Variants in KAT6B observed in about 807,000 individuals in gnomAD.
KAT6B encodes the protein lysine acetyltransferase 6B.
A neutral mutation model predicts 187.5 loss-of-function variants in KAT6B; 10 were observed. That is an observed-to-expected ratio of 0.05 (90% CI 0.03 to 0.09). The LOEUF (loss-of-function observed/expected upper bound fraction) is 0.09. Among genes scored for constraint, KAT6B ranks in the 10% least tolerant of loss-of-function variants. KAT6B has a pLI of 1.00. For missense variants in KAT6B, 1,952 were observed against 2,558.9 expected (o/e 0.76, Z 5.12); for synonymous variants, 861 against 926.8 (o/e 0.93, Z 1.29).
chr10:74,849,941 CTT>C (rs751911800), intron 3 of KAT6B, among the ~76,000 whole-genome samples: 19 of 137,876 alleles, frequency 1.4e-4, no homozygotes, highest in Admixed American at 2.9e-4. Context: ...ACAGTGGTGG[CTT>C]TTTTTTTTTT....
chr10:75,030,982 A>T lies in KAT6B; in HGVS notation c.6158A>T (p.His2053Leu). The T allele has an allele frequency of 6.2e-7, 1 of 1,614,248 alleles. No homozygotes were observed. Among genetic ancestry groups the T allele is most frequent in the Non-Finnish European group, 8.5e-7 (1 of 1,180,042 alleles). Residue 2053 changes from histidine to leucine, a missense_variant, in exon 18 of 18, where the codon CAT becomes CTT. By Grantham distance (99) the His-to-Leu change is moderately conservative. Coordinates refer to ENST00000287239, the MANE Select transcript of KAT6B (RefSeq NM_012330.4). The surrounding 1 kb of genome is among the most constrained non-coding windows in gnomAD (Gnocchi z 4.8). ...AACATGATGTACACGGCCCCCGGAC[A>T]TCACGGCTACATGAACACAGGCATG... is the stretch of plus-strand genomic sequence containing the variant. ...HGNMMYTAPG[H>L]HGYMNTGMSK...
chr10:74,907,166 A>T (rs1846831163), intron 3 of KAT6B, among the ~76,000 whole-genome samples: 2 of 152,204 alleles, frequency 1.3e-5, no homozygotes, highest in African/African-American at 4.8e-5. Context: ...TCTTTTCAGG[A>T]TACATTCCTT....
chr10:74,985,135 T>G lies in KAT6B; in HGVS notation c.2429T>G (p.Leu810Arg). Residue 810 changes from leucine to arginine, a missense_variant, in exon 12 of 18, where the codon CTC becomes CGC. By Grantham distance (102) the Leu-to-Arg change is moderately radical. This residue lies in a region of KAT6B where 87 missense variants were observed against 191.8 expected (regional missense o/e 0.45). Coordinates refer to ENST00000287239, the MANE Select transcript of KAT6B (RefSeq NM_012330.4). ...YCQNLCLLAKLFLDHKTLYYD... is the reference protein window; with the variant it reads ...YCQNLCLLAKRFLDHKTLYYD... ...CAAAACCTTTGCTTGTTAGCCAAGC[T>G]CTTCCTGGACCACAAAACGTTGTAT... The G allele has an allele frequency of 6.2e-7, 1 of 1,614,166 alleles. No homozygotes were observed. Among genetic ancestry groups the G allele is most frequent in the Non-Finnish European group, 8.5e-7 (1 of 1,180,018 alleles).
intron 3 of KAT6B, among the ~76,000 whole-genome samples, chr10:74,864,484 T>C (rs1053415631): frequency 2.6e-5 from 4 of 152,000 alleles, no homozygotes; most frequent in Admixed American, 2.6e-4. Flanking sequence ...CAAGTCTGTA[T>C]AAAAAAGCCT....
intron 3 of KAT6B, among the ~76,000 whole-genome samples, chr10:74,905,800 T>C (rs12265614): frequency 0.024 from 3,712 of 152,216 alleles, 155 homozygotes; most frequent in African/African-American, 0.084. Flanking sequence ...GGTCGGTTTA[T>C]TACTATTTTT....
chr10:74,974,371 G>A lies in KAT6B; in HGVS notation c.1062-1028G>A, dbSNP rs145308824. Among the ~76,000 whole-genome samples, 419 of 152,194 alleles carry A rather than the reference G, an allele frequency of 2.8e-3. 3 individuals are homozygous for A. Among genetic ancestry groups the A allele is most frequent in the African/African-American group, 9.7e-3 (402 of 41,522 alleles). ...TAAGATATTTTTATAATTCAGTATT[G>A]TATCTTTTTAAGGCTTTCATTTTGT... On this transcript the variant is annotated intron_variant, in intron 7 of 17. Coordinates refer to ENST00000287239, the MANE Select transcript of KAT6B (RefSeq NM_012330.4).
At chr10:74,928,255 T>C (rs1178143614) in intron 3 of KAT6B, among the ~76,000 whole-genome samples, 1 of 152,220 alleles carries the variant, frequency 6.6e-6, no homozygotes, top group African/African-American at 2.4e-5. Flanking sequence ...AAATTATCAC[T>C]TACTTGATAG....
At chr10:75,006,679 C>T (rs1425829011) in intron 13 of KAT6B, among the ~76,000 whole-genome samples, 6 of 152,198 alleles carry the variant, frequency 3.9e-5, no homozygotes, top group Admixed American at 2.0e-4. Flanking sequence ...TGCGCTCAAG[C>T]GATCCATCTG....
intron 3 of KAT6B, among the ~76,000 whole-genome samples, chr10:74,935,138 G>T (rs1849156312): frequency 6.6e-6 from 1 of 152,218 alleles, no homozygotes; most frequent in Non-Finnish European, 1.5e-5. Flanking sequence ...GACCTCACAG[G>T]ATTGTTGAAA....
intron 15 of KAT6B, 118 bp from the exon 16 acceptor site, chr10:75,021,763 T>TTGGC (rs1845421829): frequency 4.0e-6 from 4 of 993,182 alleles, no homozygotes; most frequent in Non-Finnish European, 6.3e-6. Context: ...TGGAATGTGC[T>TTGGC]TGGCTGGCTG....
rs539953320 is a variant in KAT6B, at chr10:74,909,191, C to T, written c.622-50779C>T. 1.8e-4 allele frequency among the ~76,000 whole-genome samples: 27 copies of T among 152,216 alleles called. No homozygotes were observed. The South Asian group carries it at 5.0e-3, about 28-fold the overall frequency. On this transcript the variant is annotated intron_variant, in intron 3 of 17. Coordinates refer to ENST00000287239, the MANE Select transcript of KAT6B (RefSeq NM_012330.4). ...TTCGAGACTAGCCTTGCCACAATGG[C>T]GAAACCCCATCTCTACTAAAAATAC...
intron 1 of KAT6B, among the ~76,000 whole-genome samples, chr10:74,832,001 T>C (rs1394208884): frequency 6.6e-6 from 1 of 152,238 alleles, no homozygotes; most frequent in East Asian, 1.9e-4. Context: ...AATAACTTTC[T>C]TACTCTTGAT....
At position 74,857,526 on chromosome 10, in the gene KAT6B, C is replaced by T. The variant is rs568715410; in HGVS notation, c.621+14048C>T. ...TAATCCAGATAATGCCCTTATCTCA[C>T]AGTCCTTAACTTTATCATATCTGCA... On this transcript the variant is annotated intron_variant, in intron 3 of 17. Transcript: ENST00000287239. 4.6e-5 allele frequency among the ~76,000 whole-genome samples: 7 copies of T among 152,330 alleles called. No homozygotes were observed. The East Asian group carries it at 1.3e-3, about 29-fold the overall frequency.
Position 74,844,291 on chromosome 10 carries a change from C to T in KAT6B, c.621+813C>T, listed in dbSNP as rs139982728. Among the ~76,000 whole-genome samples the T allele has an allele frequency of 1.8e-3, 279 of 152,198 alleles. 3 individuals carry two copies. The highest frequency in any genetic ancestry group is 6.0e-3 in the African/African-American group (249 of 41,520). ...TCGGCTCACTGCAACCTCTGCCTCC[C>T]GGGTTCAAGTGATTCTTCTGCCTCA... On this transcript the variant is annotated intron_variant, in intron 3 of 17. Transcript: ENST00000287239.
In KAT6B at chr10:74,975,791, A is replaced by G. The variant is rs751774930; in HGVS notation, c.1454A>G (p.Gln485Arg). Residue 485 changes from glutamine to arginine, a missense_variant, in exon 8 of 18, where the codon CAA (glutamine) becomes CGA (arginine). Physicochemically the swap from Gln to Arg is conservative, Grantham distance 43. This residue lies in a region of KAT6B where 417 missense variants were observed against 508.9 expected (regional missense o/e 0.82). Coordinates refer to ENST00000287239, the MANE Select transcript of KAT6B (RefSeq NM_012330.4). ...CATGTGTTGGCTACAGGTACCACACAAAAGCTAAAACCTCCACCTTCTTCA... is the reference window on the plus strand; with the variant it reads ...CATGTGTTGGCTACAGGTACCACACGAAAGCTAAAACCTCCACCTTCTTCA... The part of the protein sequence containing the change: ...TSHVLATGTT[Q>R]KLKPPPSSLP... The G allele has an allele frequency of 1.2e-6, 2 of 1,614,218 alleles. No homozygotes were observed. The highest frequency in any genetic ancestry group is 1.7e-6 in the Non-Finnish European group (2 of 1,180,038).
At chr10:74,992,114 G>A (rs1351544265) in intron 13 of KAT6B, among the ~76,000 whole-genome samples, 3 of 152,096 alleles carry the variant, frequency 2.0e-5, no homozygotes, top group African/African-American at 4.8e-5. Context: ...TTTCTATTTG[G>A]TAAATGAGCC....
chr10:75,002,377 CA>C (rs56402723), intron 13 of KAT6B, among the ~76,000 whole-genome samples: 80 of 126,406 alleles, frequency 6.3e-4, no homozygotes, highest in African/African-American at 1.0e-3. Context: ...TGGCACTAAC[CA>C]AAAAAAAAAA....
At chr10:74,890,471 C>T (rs977322803) in intron 3 of KAT6B, among the ~76,000 whole-genome samples, 1 of 151,864 alleles carries the variant, frequency 6.6e-6, no homozygotes, top group Non-Finnish European at 1.5e-5. Flanking sequence ...AAATCCCGTC[C>T]GTACTAATAA....
chr10:74,961,512 T>C (rs1564590543), intron 4 of KAT6B, among the ~76,000 whole-genome samples: 1 of 152,202 alleles, frequency 6.6e-6, no homozygotes, highest in Non-Finnish European at 1.5e-5. Flanking sequence ...AAAAGTTCCC[T>C]TCATATATTT....
Sources: gnomAD v4.1 joint callset for allele counts (sites outside exome capture counted in the v4.1 genomes callset) on GRCh38, gnomAD v4.1.1 for gene constraint, gnomAD v4.1.1 regional missense constraint, Gnocchi (gnomAD v3.1) non-coding constraint, MANE v1.5 for transcripts, NCBI Gene and HGNC (gene_info 2026-07-23, HGNC 2026-07-21) for gene names.